Variants in CCSER1 observed in about 807,000 individuals in gnomAD.
The protein encoded by CCSER1 is serine-rich coiled-coil domain-containing protein 1.
CCSER1 carries 41 observed loss-of-function variants against 82.0 expected under a neutral mutation model. The ratio of observed to expected loss-of-function variants is 0.50; its 90% CI spans 0.39 to 0.65. The LOEUF (loss-of-function observed/expected upper bound fraction) is 0.65. CCSER1 is among the 30% of genes least tolerant of loss of function. CCSER1 has a pLI of 0.00. For missense variants in CCSER1, 1,119 were observed against 1,064.2 expected, an observed-to-expected ratio of 1.05 and a Z score of -0.72; for synonymous variants, 414 against 383.9, an observed-to-expected ratio of 1.08 and a Z score of -0.92.
chr4:91,258,684 T>G (rs1016433896), intron 10 of CCSER1, among the ~76,000 whole-genome samples: 3 of 152,264 alleles, frequency 2.0e-5, no homozygotes, highest in South Asian at 2.1e-4. Context: ...GATTTCAGAT[T>G]TATTCATTTC....
intron 1 of CCSER1, among the ~76,000 whole-genome samples, chr4:90,279,127 G>A (rs1240014088): frequency 6.6e-6 from 1 of 151,968 alleles, no homozygotes; most frequent in African/African-American, 2.4e-5. Context: ...ACTCTACGTA[G>A]CTCCACTAAT....
At chr4:91,152,905 T>C (rs1730390938) in intron 10 of CCSER1, among the ~76,000 whole-genome samples, 1 of 151,906 alleles carries the variant, frequency 6.6e-6, no homozygotes, top group Admixed American at 6.6e-5. Flanking sequence ...GGCTTCCCTA[T>C]TTGGGTAACC....
chr4:90,397,545 T>C (rs1046270972), intron 3 of CCSER1, among the ~76,000 whole-genome samples: 1 of 152,204 alleles, frequency 6.6e-6, no homozygotes, highest in African/African-American at 2.4e-5. Context: ...ATTTTTTAAT[T>C]TTTCAAGTAG....
At chr4:91,520,786 C>T (rs192828831) in intron 10 of CCSER1, among the ~76,000 whole-genome samples, 1 of 152,030 alleles carries the variant, frequency 6.6e-6, no homozygotes, top group Admixed American at 6.6e-5. Context: ...TTTTTGCTGT[C>T]CTGTTATTTG....
intron 10 of CCSER1, among the ~76,000 whole-genome samples, chr4:91,493,618 TAC>T (rs1182173320): frequency 6.6e-6 from 1 of 151,844 alleles, no homozygotes; most frequent in Non-Finnish European, 1.5e-5. Context: ...AGCCAAATTA[TAC>T]AGTCTTTCTA....
intron 4 of CCSER1, among the ~76,000 whole-genome samples, chr4:90,405,459 C>T (rs1444638143): frequency 2.0e-5 from 3 of 152,256 alleles, no homozygotes; most frequent in Admixed American, 2.0e-4. Flanking sequence ...CTGAGGAAAA[C>T]TTCCCCAGCC....
chr4:90,934,164 C>T (rs374785492), intron 9 of CCSER1, among the ~76,000 whole-genome samples: 4 of 151,960 alleles, frequency 2.6e-5, no homozygotes, highest in South Asian at 2.1e-4. Context: ...TTGATAATGG[C>T]TCATTATCAA....
chr4:91,205,570 A>T (rs1023649189), intron 10 of CCSER1, among the ~76,000 whole-genome samples: 1 of 151,424 alleles, frequency 6.6e-6, no homozygotes, highest in Non-Finnish European at 1.5e-5. Context: ...TTTCACTAAT[A>T]CTTTTCCTTT....
chr4:90,614,641 C>T (rs1252516298), intron 5 of CCSER1, among the ~76,000 whole-genome samples: 1 of 152,102 alleles, frequency 6.6e-6, no homozygotes, highest in African/African-American at 2.4e-5. Flanking sequence ...AGCCCTAACT[C>T]TCTTTGATTT....
At chr4:90,277,423 A>G (rs1728040532) in intron 1 of CCSER1, among the ~76,000 whole-genome samples, 1 of 152,196 alleles carries the variant, frequency 6.6e-6, no homozygotes, top group South Asian at 2.1e-4. Flanking sequence ...ACAAGGCTAT[A>G]GTATAGTTTG....
At position 91,469,211 on chromosome 4, in the gene CCSER1, T is replaced by A. The variant is rs936847720; in HGVS notation, c.2218-129361T>A. On this transcript the variant is annotated intron_variant, in intron 10 of 10. Transcript: ENST00000509176. ...ATATCTTTAGGCAAGTTAAACTTCA[T>A]ATCTTGGGAATTCTGTTTGTAAAGC... Among the ~76,000 whole-genome samples the A allele has an allele frequency of 2.0e-5, 3 of 152,172 alleles. No individual in the cohort carries two copies. In the East Asian group the frequency reaches 5.8e-4, roughly 29 times the overall value.
At chr4:91,289,970 T>C (rs989504306) in intron 10 of CCSER1, among the ~76,000 whole-genome samples, 7 of 151,946 alleles carry the variant, frequency 4.6e-5, no homozygotes, top group South Asian at 2.1e-4. Context: ...GAAGGTAATC[T>C]GAAGAGGGAG....
intron 9 of CCSER1, among the ~76,000 whole-genome samples, chr4:91,059,592 T>G (rs1743784175): frequency 6.6e-6 from 1 of 151,426 alleles, no homozygotes; most frequent in Admixed American, 6.6e-5. Flanking sequence ...AAGAGTAAAC[T>G]TAGAAGTCAA....
At chr4:91,463,088 C>A (rs1464153446) in intron 10 of CCSER1, among the ~76,000 whole-genome samples, 1 of 152,144 alleles carries the variant, frequency 6.6e-6, no homozygotes, top group Non-Finnish European at 1.5e-5. Flanking sequence ...CCCTGAGTAG[C>A]CTAACTGGGA....
chr4:91,360,704 G>A (rs911505464), intron 10 of CCSER1, among the ~76,000 whole-genome samples: 7 of 151,612 alleles, frequency 4.6e-5, no homozygotes, highest in Non-Finnish European at 1.0e-4. Flanking sequence ...CACAAGCCTA[G>A]GTGAAAAAAC....
At position 91,067,944 on chromosome 4, in the gene CCSER1, A is replaced by C. The variant is rs1167489583; in HGVS notation, c.2173-18006A>C. Among the ~76,000 whole-genome samples, 3 of 152,212 alleles carry C rather than the reference A, an allele frequency of 2.0e-5. No individual in the cohort carries two copies. In the East Asian group the frequency reaches 5.8e-4, roughly 29 times the overall value. On this transcript the variant is annotated intron_variant, in intron 9 of 10. Coordinates refer to ENST00000509176, the MANE Select transcript of CCSER1 (RefSeq NM_001145065.2). ...ATCATTTAAGTTAATATACAGATTT[A>C]ATTTCAAAATCTATCTTCTTGACTG...
At chr4:91,189,413 G>C (rs1001406969) in intron 10 of CCSER1, among the ~76,000 whole-genome samples, 4 of 152,110 alleles carry the variant, frequency 2.6e-5, no homozygotes, top group Non-Finnish European at 4.4e-5. Context: ...AATTTACTTA[G>C]TGATAAAGCT....
At chr4:90,529,951 ATT>A (rs1553934491) in intron 5 of CCSER1, among the ~76,000 whole-genome samples, 8 of 127,098 alleles carry the variant, frequency 6.3e-5, no homozygotes, top group South Asian at 2.8e-4. Context: ...ATATATATAT[ATT>A]TTTTTTTTCT....
intron 1 of CCSER1, among the ~76,000 whole-genome samples, chr4:90,274,227 T>C (rs370648513): frequency 1.3e-5 from 2 of 152,030 alleles, no homozygotes; most frequent in South Asian, 4.1e-4. Context: ...AGAAAGGACA[T>C]TGGTTAAGGG....
Sources: allele counts gnomAD v4.1 joint callset (sites outside exome capture counted in the v4.1 genomes callset), GRCh38; gene constraint gnomAD v4.1.1; transcripts MANE v1.5; gene names NCBI Gene and HGNC (gene_info 2026-07-23, HGNC 2026-07-21).